INSR: variants seen among roughly 807,000 people sequenced by gnomAD.
The protein encoded by INSR is insulin receptor, also known as IR.
A neutral mutation model predicts 142.6 loss-of-function variants in INSR; 67 were observed. The ratio of observed to expected loss-of-function variants is 0.47; its 90% CI spans 0.39 to 0.58. The LOEUF (loss-of-function observed/expected upper bound fraction) is 0.58. Ranked by LOEUF, INSR falls within the 20% of genes least tolerant of loss-of-function variation. The pLI, the probability that INSR is intolerant of heterozygous loss-of-function variation, is 0.00. For synonymous variants in INSR, 756 were observed against 743.1 expected (o/e 1.02, Z -0.28); for missense variants, 1,248 against 1,833.2 (o/e 0.68, Z 5.83).
intron 2 of INSR, among the ~76,000 whole-genome samples, chr19:7,238,842 A>C (rs1976246108): frequency 6.6e-6 from 1 of 151,462 alleles, no homozygotes; most frequent in East Asian, 1.9e-4. Flanking sequence ...GGCTTCCACT[A>C]TGTGTCCCCA....
chr19:7,226,428 A>G (rs986101005), intron 2 of INSR, among the ~76,000 whole-genome samples: 2 of 150,286 alleles, frequency 1.3e-5, no homozygotes, highest in Non-Finnish European at 3.0e-5. Context: ...AAAAAAAAAA[A>G]AAAAACAACT....
intron 20 of INSR, among the ~76,000 whole-genome samples, chr19:7,120,219 G>C (rs986483860): frequency 6.6e-6 from 1 of 152,124 alleles, no homozygotes; most frequent in Admixed American, 6.5e-5. Flanking sequence ...TCCCCACTTC[G>C]AGTTGTCTCG....
At chr19:7,197,514 GGGGTGTGTGTGTGTGTGT>G (rs1285935964) in intron 2 of INSR, among the ~76,000 whole-genome samples, 1 of 26,946 alleles carries the variant, frequency 3.7e-5, no homozygotes, top group African/African-American at 1.0e-4. Flanking sequence ...AGTGGGAGTG[GGGGTGTGTGTGTGTGTGT>G]GTGTGTGTGT....
chr19:7,194,800 G>A (rs534873205), intron 2 of INSR, among the ~76,000 whole-genome samples: 172 of 151,510 alleles, frequency 1.1e-3, no homozygotes, highest in African/African-American at 4.0e-3. Context: ...GTGAGCCACC[G>A]CGCCAGGCCA....
chr19:7,223,147 C>T lies in INSR; in HGVS notation c.653-38510G>A, dbSNP rs149686604. Among the ~76,000 whole-genome samples, 509 of 152,274 alleles carry T rather than the reference C, an allele frequency of 3.3e-3. 1 individual carries two copies. The highest frequency in any genetic ancestry group is 6.8e-3 in the Middle Eastern group (2 of 294). On this transcript the variant is annotated intron_variant, in intron 2 of 21. Coordinates refer to ENST00000302850, the MANE Select transcript of INSR (RefSeq NM_000208.4). ...GCAGTGAGCTGAGACTGCGCCACTG[C>T]ACTCCAGCGTGGGTGACAGAGTGAG...
chr19:7,280,927 G>A (rs1968190119), intron 1 of INSR, among the ~76,000 whole-genome samples: 1 of 151,968 alleles, frequency 6.6e-6, no homozygotes, highest in Admixed American at 6.6e-5. Flanking sequence ...AAGAAAGAGG[G>A]GCTCCAGGGG....
Position 7,225,636 on chromosome 19 carries a change from C to T in INSR, c.653-40999G>A, listed in dbSNP as rs933672117. Among the ~76,000 whole-genome samples the T allele has an allele frequency of 6.6e-6, 1 of 152,098 alleles. No homozygotes were observed. Among genetic ancestry groups the T allele is most frequent in the East Asian group, 1.9e-4 (1 of 5,200 alleles). On this transcript the variant is annotated intron_variant, in intron 2 of 21. Coordinates refer to ENST00000302850, the MANE Select transcript of INSR (RefSeq NM_000208.4). The surrounding 1 kb of genome is among the most constrained non-coding windows in gnomAD (Gnocchi z 4.7). The stretch of plus-strand genomic sequence containing the variant: ...CCAAGTCTAGGGACGTGGTTTTTGT[C>T]GGTAGCATGGCAGTGTCAAACCACA...
rs1284231306 is a variant in INSR, at chr19:7,122,597, C to G, written c.3529+17G>C. ...GGCCTGGGTCGTTATGTTTTCAAAG[C>G]AGAAAGCCAGACGAACCTCCAATTT... is the stretch of plus-strand genomic sequence containing the variant. On this transcript the variant is annotated intron_variant, in intron 19 of 21. Coordinates refer to ENST00000302850, the MANE Select transcript of INSR (RefSeq NM_000208.4). 6.2e-7 allele frequency: 1 copy of G among 1,613,938 alleles called. No individual in the cohort carries two copies.
intron 17 of INSR, among the ~76,000 whole-genome samples, chr19:7,123,918 G>A (rs1026224760): frequency 6.6e-6 from 1 of 150,388 alleles, no homozygotes; most frequent in African/African-American, 2.4e-5. Context: ...GAGAGACTCT[G>A]TCTTAAAAAT....
chr19:7,291,902 C>T (rs1968501744), intron 1 of INSR, among the ~76,000 whole-genome samples: 1 of 152,172 alleles, frequency 6.6e-6, no homozygotes, highest in South Asian at 2.1e-4. Context: ...ACGCCATTCT[C>T]CTGCCTCAGC....
intron 2 of INSR, among the ~76,000 whole-genome samples, chr19:7,210,765 T>C (rs1215534918): frequency 6.6e-6 from 1 of 152,156 alleles, no homozygotes; most frequent in Admixed American, 6.6e-5. Context: ...AGTCTTACTC[T>C]GTGGCCCAGG....
intron 9 of INSR, among the ~76,000 whole-genome samples, chr19:7,157,456 T>C (rs1041707315): frequency 7.7e-6 from 1 of 129,238 alleles, no homozygotes; most frequent in African/African-American, 3.0e-5. Flanking sequence ...AGAGACAGAG[T>C]TTTGCTGTGT....
chr19:7,212,499 G>A (rs889550347), intron 2 of INSR, among the ~76,000 whole-genome samples: 4 of 152,300 alleles, frequency 2.6e-5, no homozygotes, highest in East Asian at 1.9e-4. Flanking sequence ...CTTCAATAGC[G>A]ACAAGACATC....
intron 3 of INSR, among the ~76,000 whole-genome samples, chr19:7,181,555 G>A (rs1974275050): frequency 7.0e-6 from 1 of 143,508 alleles, no homozygotes; most frequent in Non-Finnish European, 1.5e-5. Context: ...AGTAGATGGT[G>A]AGACCTTTTT....
intron 2 of INSR, among the ~76,000 whole-genome samples, chr19:7,233,048 C>T (rs1225652378): frequency 6.6e-6 from 1 of 152,054 alleles, no homozygotes; most frequent in Non-Finnish European, 1.5e-5. Context: ...TGCAGTGGCG[C>T]CACCTCGCCA....
At chr19:7,179,426 C>A (rs1297076762) in intron 3 of INSR, among the ~76,000 whole-genome samples, 1 of 152,202 alleles carries the variant, frequency 6.6e-6, no homozygotes, top group Non-Finnish European at 1.5e-5. Context: ...GGTGTCAGAA[C>A]GGTGTTGCAA....
intron 2 of INSR, among the ~76,000 whole-genome samples, chr19:7,207,930 A>AGGGAGGGAGGG (rs1568486934): frequency 2.3e-5 from 3 of 127,816 alleles, no homozygotes; most frequent in Admixed American, 7.9e-5. Context: ...GGAAGGAAGG[A>AGGGAGGGAGGG]AGGAAGGAAG....
chr19:7,199,407 T>C (rs1297921666), intron 2 of INSR, among the ~76,000 whole-genome samples: 2 of 151,750 alleles, frequency 1.3e-5, no homozygotes, highest in Non-Finnish European at 2.9e-5. Flanking sequence ...TAAATTTGTT[T>C]GTTTGTTTGA....
intron 2 of INSR, among the ~76,000 whole-genome samples, chr19:7,253,228 A>G (rs865777815): frequency 3.6e-5 from 4 of 111,294 alleles, no homozygotes; most frequent in East Asian, 2.3e-4. Flanking sequence ...TTATTTATTT[A>G]TTTGTTTATT....
Sources: allele counts gnomAD v4.1 joint callset (sites outside exome capture counted in the v4.1 genomes callset), GRCh38; gene constraint gnomAD v4.1.1; non-coding constraint Gnocchi (gnomAD v3.1); transcripts MANE v1.5; gene names NCBI Gene and HGNC (gene_info 2026-07-23, HGNC 2026-07-21).